Variants in CAMTA1 observed in about 807,000 individuals in gnomAD.
CAMTA1 encodes the protein calmodulin binding transcription activator 1.
Under a neutral mutation model 170.9 loss-of-function variants are expected in CAMTA1, and 27 were observed. That is an observed-to-expected ratio of 0.16 (90% CI 0.12 to 0.22). The LOEUF is 0.22. CAMTA1 is among the 10% of genes least tolerant of loss of function. CAMTA1 has a pLI of 1.00. For missense variants in CAMTA1, 1,619 were observed against 2,217.2 expected, an observed-to-expected ratio of 0.73 and a Z score of 5.42; for synonymous variants, 833 against 891.5, an observed-to-expected ratio of 0.93 and a Z score of 1.17.
rs74224540 is a variant in CAMTA1, at chr1:7,179,904, T to G, written c.303-69587T>G. The stretch of plus-strand genomic sequence containing the variant: ...AGGATAAAAGCAGAAAATAGTAAGA[T>G]AGAGAATGAAAGAACAGTAGACCTG... On this transcript the variant is annotated intron_variant, in intron 4 of 22. Coordinates refer to ENST00000303635, the MANE Select transcript of CAMTA1 (RefSeq NM_015215.4). Among the ~76,000 whole-genome samples, 10 of 152,176 alleles carry G rather than the reference T, an allele frequency of 6.6e-5. No homozygotes were observed. The South Asian group carries it at 2.1e-3, about 32-fold the overall frequency.
chr1:7,110,456 G>A (rs570923981), intron 4 of CAMTA1, among the ~76,000 whole-genome samples: 35 of 152,256 alleles, frequency 2.3e-4, no homozygotes, highest in Admixed American at 3.9e-4. Context: ...TGAATTGCCC[G>A]AGCAGGCCGG....
chr1:7,719,292 T>A (rs1385002256), intron 11 of CAMTA1, among the ~76,000 whole-genome samples: 1 of 152,184 alleles, frequency 6.6e-6, no homozygotes, highest in African/African-American at 2.4e-5. Flanking sequence ...ATTTTCACCC[T>A]GAGACACCCC....
chr1:7,636,048 C>A (rs2148897752), intron 6 of CAMTA1, among the ~76,000 whole-genome samples: 1 of 152,288 alleles, frequency 6.6e-6, no homozygotes. Context: ...ATCTCCTGAG[C>A]CTCCACTTGG....
At chr1:7,196,713 C>A (rs1243261583) in intron 4 of CAMTA1, among the ~76,000 whole-genome samples, 1 of 152,198 alleles carries the variant, frequency 6.6e-6, no homozygotes, top group East Asian at 1.9e-4. Flanking sequence ...GTTCTAGATA[C>A]CTTAAAATGA....
At chr1:7,179,812 C>G (rs1412695657) in intron 4 of CAMTA1, among the ~76,000 whole-genome samples, 1 of 152,066 alleles carries the variant, frequency 6.6e-6, no homozygotes, top group Non-Finnish European at 1.5e-5. Flanking sequence ...GAACTAAGTT[C>G]TTACCCCAAA....
chr1:7,279,664 G>C (rs1174860128), intron 5 of CAMTA1, among the ~76,000 whole-genome samples: 1 of 152,132 alleles, frequency 6.6e-6, no homozygotes, highest in East Asian at 1.9e-4. Context: ...CCGTGCCGAG[G>C]GCCAAGCTCT....
At chr1:7,683,181 CAAAAAAA>C (rs34814185) in intron 11 of CAMTA1, among the ~76,000 whole-genome samples, 1 of 89,506 alleles carries the variant, frequency 1.1e-5, no homozygotes, top group Non-Finnish European at 2.1e-5. Context: ...GACTCTGTCT[CAAAAAAA>C]AAAAAAAAAA....
At chr1:7,391,059 G>A (rs756486504) in intron 5 of CAMTA1, among the ~76,000 whole-genome samples, 2 of 151,854 alleles carry the variant, frequency 1.3e-5, no homozygotes, top group Admixed American at 6.6e-5. Flanking sequence ...GTGCAGTGAC[G>A]CGATCTCGGC....
chr1:7,154,302 G>A (rs1646743845), intron 4 of CAMTA1, among the ~76,000 whole-genome samples: 1 of 152,098 alleles, frequency 6.6e-6, no homozygotes, highest in Non-Finnish European at 1.5e-5. Flanking sequence ...GCATTTGATA[G>A]CAGGAAAAGG....
At chr1:7,511,763 C>T (rs1311226266) in intron 6 of CAMTA1, among the ~76,000 whole-genome samples, 2 of 152,158 alleles carry the variant, frequency 1.3e-5, no homozygotes, top group Non-Finnish European at 2.9e-5. Flanking sequence ...AGGTGTTTCC[C>T]GTGGCTGGGG....
chr1:7,034,801 C>T (rs374003927), intron 3 of CAMTA1, among the ~76,000 whole-genome samples: 2 of 152,224 alleles, frequency 1.3e-5, no homozygotes, highest in African/African-American at 2.4e-5. Context: ...TAAATGTTGT[C>T]GTTTTTTAGT....
At chr1:7,143,472 A>T (rs1308759698) in intron 4 of CAMTA1, among the ~76,000 whole-genome samples, 1 of 152,162 alleles carries the variant, frequency 6.6e-6, no homozygotes, top group African/African-American at 2.4e-5. Flanking sequence ...CCTAAGTGCC[A>T]CCCATTGGCT....
At chr1:7,083,054 C>T (rs1344400046) in intron 3 of CAMTA1, among the ~76,000 whole-genome samples, 1 of 152,100 alleles carries the variant, frequency 6.6e-6, no homozygotes, top group Non-Finnish European at 1.5e-5. Context: ...AATGAAAGAC[C>T]GGGTGAATTG....
chr1:7,306,835 A>C (rs1675663436), intron 5 of CAMTA1, among the ~76,000 whole-genome samples: 1 of 151,980 alleles, frequency 6.6e-6, no homozygotes, highest in Non-Finnish European at 1.5e-5. Context: ...TGGATCAAAA[A>C]TATTCAGAAA....
At chr1:7,614,643 C>T (rs1277790548) in intron 6 of CAMTA1, among the ~76,000 whole-genome samples, 1 of 152,182 alleles carries the variant, frequency 6.6e-6, no homozygotes, top group Non-Finnish European at 1.5e-5. Flanking sequence ...TGGCTCGTCA[C>T]TGTTATCAAC....
At chr1:7,405,323 A>G (rs1403074294) in intron 5 of CAMTA1, among the ~76,000 whole-genome samples, 1 of 151,594 alleles carries the variant, frequency 6.6e-6, no homozygotes, top group Non-Finnish European at 1.5e-5. Context: ...TGATTTCACT[A>G]TATACACTTA....
intron 3 of CAMTA1, among the ~76,000 whole-genome samples, chr1:6,855,628 A>G (rs1337031469): frequency 6.6e-6 from 1 of 152,000 alleles, no homozygotes; most frequent in Non-Finnish European, 1.5e-5. Context: ...AGCACTGGAG[A>G]TTACAGTGTG....
rs566319346 is a variant in CAMTA1, at chr1:7,041,783, AGTCT to A, written c.235-49516_235-49513del. Among the ~76,000 whole-genome samples the A allele has an allele frequency of 6.9e-4, 105 of 152,344 alleles. No individual in the cohort carries two copies. Among genetic ancestry groups the A allele is most frequent in the African/African-American group, 2.4e-3 (100 of 41,586 alleles). ...CCAAAGAATATCAGGAGAGCGAACC[AGTCT>A]GTCTTCATATTCAAAACAGCAAGGC... On this transcript the variant is annotated intron_variant, in intron 3 of 22. Transcript: ENST00000303635. The surrounding 1 kb of genome is among the most constrained non-coding windows in gnomAD (Gnocchi z 5.1).
chr1:7,298,483 C>A (rs953621536), intron 5 of CAMTA1, among the ~76,000 whole-genome samples: 8 of 152,124 alleles, frequency 5.3e-5, no homozygotes, highest in Non-Finnish European at 2.9e-5. Flanking sequence ...TACTGCCTGA[C>A]CTGCCACATG....
Sources: gnomAD v4.1 joint callset for allele counts (sites outside exome capture counted in the v4.1 genomes callset) on GRCh38, gnomAD v4.1.1 for gene constraint, Gnocchi (gnomAD v3.1) non-coding constraint, MANE v1.5 for transcripts, NCBI Gene and HGNC (gene_info 2026-07-23, HGNC 2026-07-21) for gene names.